The following RPS6KA6 variants were observed in gnomAD, a reference collection of about 807,000 sequenced individuals.
RPS6KA6 encodes ribosomal protein S6 kinase alpha-6.
In RPS6KA6, 27 loss-of-function variants were observed where a neutral mutation model predicts 65.4. That is an observed-to-expected ratio of 0.41 (90% CI 0.30 to 0.57). The LOEUF is 0.57. Among genes scored for constraint, RPS6KA6 ranks in the 20% least tolerant of loss-of-function variants. The pLI, the probability that RPS6KA6 is intolerant of heterozygous loss-of-function variation, is 0.24. For missense variants in RPS6KA6, 486 were observed against 555.6 expected (o/e 0.87, Z 1.26); for synonymous variants, 190 against 184.2 (o/e 1.03, Z -0.26).
At chrX:84,138,588 T>G (rs2035038054) in intron 6 of RPS6KA6, among the ~76,000 whole-genome samples, 1 of 112,273 alleles carries the variant, frequency 8.9e-6, no homozygotes, top group Non-Finnish European at 1.9e-5. Context: ...TTCTTTGCAT[T>G]TGTTTACTTT....
intron 8 of RPS6KA6, among the ~76,000 whole-genome samples, chrX:84,127,263 A>C (rs1037615396): frequency 9.0e-6 from 1 of 111,223 alleles, no homozygotes; most frequent in Non-Finnish European, 1.9e-5. Flanking sequence ...GTCACGTAAA[A>C]CCTACCAAGA....
At chrX:84,130,185 CCAAA>C (rs939045149) in intron 8 of RPS6KA6, among the ~76,000 whole-genome samples, 7 of 110,637 alleles carry the variant, frequency 6.3e-5, no homozygotes, top group South Asian at 3.8e-4. Flanking sequence ...AGGCTGAAAA[CCAAA>C]CAAACAATCC....
At chrX:84,186,121 T>C in intron 1 of RPS6KA6, 1 of 512,963 alleles carries the variant, frequency 1.9e-6, no homozygotes, top group Non-Finnish European at 3.5e-6. Context: ...TTTTCCAAAT[T>C]GCTGAGGTAG....
intron 8 of RPS6KA6, among the ~76,000 whole-genome samples, chrX:84,134,062 T>C (rs977546672): frequency 8.9e-6 from 1 of 112,306 alleles, no homozygotes; most frequent in Non-Finnish European, 1.9e-5. Flanking sequence ...AATAATAAAA[T>C]ACAGAATTTA....
intron 20 of RPS6KA6, among the ~76,000 whole-genome samples, chrX:84,070,720 CA>C (rs1266424228): frequency 1.8e-5 from 2 of 110,770 alleles, no homozygotes; most frequent in African/African-American, 6.6e-5. Context: ...GGCAACCAAT[CA>C]AAAGCCATAC....
chrX:84,078,515 TAACAACACAA>T (rs1360295830), intron 20 of RPS6KA6, among the ~76,000 whole-genome samples: 1 of 111,579 alleles, frequency 9.0e-6, no homozygotes, highest in Non-Finnish European at 1.9e-5. Context: ...CTTTATTGGT[TAACAACACAA>T]AACAACACAA....
chrX:84,146,564 C>G (rs1187467195), intron 5 of RPS6KA6, among the ~76,000 whole-genome samples: 1 of 111,544 alleles, frequency 9.0e-6, no homozygotes, highest in Non-Finnish European at 1.9e-5. Context: ...AAAAAAATAA[C>G]TCAAGTAGAC....
At chrX:84,098,833 A>G (rs2034205634) in intron 18 of RPS6KA6, among the ~76,000 whole-genome samples, 1 of 111,334 alleles carries the variant, frequency 9.0e-6, no homozygotes, top group East Asian at 2.8e-4. Flanking sequence ...TTAAGAGGGT[A>G]AAGAGGATAT....
chrX:84,166,519 C>A (rs1020038636), intron 1 of RPS6KA6, among the ~76,000 whole-genome samples: 1 of 111,039 alleles, frequency 9.0e-6, no homozygotes, highest in African/African-American at 3.3e-5. Flanking sequence ...AACTTTAAGA[C>A]AGATCAATAG....
intron 3 of RPS6KA6, among the ~76,000 whole-genome samples, chrX:84,148,433 T>C (rs1386016776): frequency 9.2e-6 from 1 of 109,209 alleles, no homozygotes; most frequent in Non-Finnish European, 1.9e-5. Context: ...TTCTATAATT[T>C]ACATTATTAT....
intron 9 of RPS6KA6, among the ~76,000 whole-genome samples, chrX:84,119,494 C>A (rs2034627799): frequency 9.0e-6 from 1 of 111,272 alleles, no homozygotes; most frequent in African/African-American, 3.3e-5. Flanking sequence ...GGTTTATAAC[C>A]TTTCTAGGGA....
At position 84,148,139 on chromosome X, in the gene RPS6KA6, AC is replaced by A; in HGVS notation, c.259-17del. 9.3e-7 allele frequency: 1 copy of A among 1,075,446 alleles called. No individual in the cohort carries two copies. The allele number at this position is 1,075,446 out of a possible 1,213,427, so 88.6% of individuals were successfully genotyped here. A position where few individuals can be genotyped will look rare whatever the true frequency, so the allele number is the denominator to read the frequency against. ...CAAGAAAAACCTAATAGAAAATTGA[AC>A]AAAAAAAAAAAGGAAAATTCACATT... is the stretch of plus-strand genomic sequence containing the variant. On this transcript the variant is annotated splice_polypyrimidine_tract_variant and intron_variant, in intron 3 of 21. Coordinates refer to ENST00000262752, the MANE Select transcript of RPS6KA6 (RefSeq NM_014496.5).
intron 3 of RPS6KA6, among the ~76,000 whole-genome samples, chrX:84,148,393 G>T (rs776148096): frequency 3.6e-5 from 4 of 110,010 alleles, no homozygotes; most frequent in Non-Finnish European, 5.7e-5. Flanking sequence ...AAAAATAAAT[G>T]AAAAAAGTTA....
At chrX:84,147,396 T>TC (rs1017063862) in intron 4 of RPS6KA6, among the ~76,000 whole-genome samples, 1 of 111,309 alleles carries the variant, frequency 9.0e-6, no homozygotes, top group African/African-American at 3.3e-5. Context: ...AACCTCCACC[T>TC]CCCAGGCTCA....
rs6653030 is a variant in RPS6KA6, at chrX:84,118,105, C to A, written c.790-651G>T. Among the ~76,000 whole-genome samples, 935 of 112,061 alleles carry A rather than the reference C, an allele frequency of 8.3e-3. 10 individuals carry two copies. Among genetic ancestry groups the A allele is most frequent in the African/African-American group, 0.029 (894 of 30,863 alleles). On this transcript the variant is annotated intron_variant, in intron 9 of 21. Transcript: ENST00000262752. Reference sequence around the variant, plus strand: ...ATAAAAAAAGACTACCTCTAAAAATCATTACGGTACATTAAAGAGAAGTTT... The same window carrying A: ...ATAAAAAAAGACTACCTCTAAAAATAATTACGGTACATTAAAGAGAAGTTT...
intron 20 of RPS6KA6, among the ~76,000 whole-genome samples, chrX:84,076,506 C>T (rs1267022291): frequency 4.5e-5 from 5 of 111,636 alleles, no homozygotes; most frequent in Non-Finnish European, 7.5e-5. Context: ...TGAAAATAAA[C>T]GTAATTCAAA....
intron 8 of RPS6KA6, among the ~76,000 whole-genome samples, chrX:84,126,385 T>A (rs954413670): frequency 9.0e-6 from 1 of 111,453 alleles, no homozygotes; most frequent in Non-Finnish European, 1.9e-5. Context: ...TAGAACTCAA[T>A]ACAGTAACAG....
In RPS6KA6 at chrX:84,082,791, C is replaced by T. The variant is rs2033830470; in HGVS notation, c.1971+13403G>A. On this transcript the variant is annotated intron_variant, in intron 20 of 21. Coordinates refer to ENST00000262752, the MANE Select transcript of RPS6KA6 (RefSeq NM_014496.5). ...AGAACAGGGGCCTCAGACATAATGC[C>T]ACACATCTACGACCATCTGGTTTTT... 2.7e-5 allele frequency among the ~76,000 whole-genome samples: 3 copies of T among 110,737 alleles called. No individual in the cohort carries two copies. The Admixed American group carries it at 2.9e-4, about 11-fold the overall frequency.
intron 8 of RPS6KA6, among the ~76,000 whole-genome samples, chrX:84,131,024 C>T (rs979094927): frequency 4.5e-5 from 5 of 111,670 alleles, no homozygotes; most frequent in African/African-American, 9.8e-5. Context: ...ATTGCAGATT[C>T]GCATGCTGTT....
Sources: allele counts gnomAD v4.1 joint callset (sites outside exome capture counted in the v4.1 genomes callset), GRCh38; gene constraint gnomAD v4.1.1; transcripts MANE v1.5; gene names NCBI Gene and HGNC (gene_info 2026-07-23, HGNC 2026-07-21).